THBS2: variants seen among roughly 807,000 people sequenced by gnomAD.
THBS2 encodes the protein thrombospondin 2.
Under a neutral mutation model 135.2 loss-of-function variants are expected in THBS2, and 47 were observed. That is an observed-to-expected ratio of 0.35 (90% CI 0.28 to 0.44). THBS2 has a LOEUF of 0.44. Among genes scored for constraint, THBS2 ranks in the 20% least tolerant of loss-of-function variants. The pLI is 1.00. For missense variants in THBS2, 1,288 were observed against 1,603.1 expected (o/e 0.80, Z 3.36); for synonymous variants, 639 against 633.8 (o/e 1.01, Z -0.12).
intron 21 of THBS2, among the ~76,000 whole-genome samples, chr6:169,218,827 TGAGA>T (rs1318538459): frequency 3.5e-5 from 4 of 113,600 alleles, no homozygotes; most frequent in African/African-American, 1.2e-4. Flanking sequence ...GGTGGGTGGC[TGAGA>T]TGGATGGATG....
intron 8 of THBS2, 62 bp downstream of exon 8, chr6:169,237,563 T>A (rs201504936): frequency 6.2e-7 from 1 of 1,602,696 alleles, no homozygotes; most frequent in Non-Finnish European, 8.5e-7. Context: ...AAGGTCCCGA[T>A]GACTGAGAGA....
intron 21 of THBS2, among the ~76,000 whole-genome samples, chr6:169,218,821 G>A (rs1187718735): frequency 1.4e-5 from 2 of 142,884 alleles, no homozygotes; most frequent in South Asian, 4.5e-4. Flanking sequence ...TGCATGGGTG[G>A]GTGGCTGAGA....
At chr6:169,242,906 T>C (rs1265150247) in intron 4 of THBS2, among the ~76,000 whole-genome samples, 61 of 7,548 alleles carry the variant, frequency 8.1e-3, no homozygotes, top group East Asian at 0.027. Context: ...AGTGCTCCCA[T>C]CTTCCCACCT....
At position 169,248,850 on chromosome 6, in the gene THBS2, C is replaced by A. The variant is rs759210002; in HGVS notation, c.176G>T (p.Arg59Leu). The change falls in exon 3 of 22, where the codon CGC becomes CTC. Residue 59 changes from arginine to leucine, a missense_variant. Physicochemically the swap from Arg to Leu is moderately radical, Grantham distance 102. This residue lies in a region of THBS2 where 414 missense variants were observed against 447.0 expected (regional missense o/e 0.93). Transcript: ENST00000617924. Reference protein sequence around the residue: ...DPGVPAYRFVRFDYIPPVNAD... With the variant: ...DPGVPAYRFVLFDYIPPVNAD... ...GTTCACCGGTGGGATGTAGTCAAAG[C>A]GCACGAAGCGGTAAGCCGGCACGCC... 6.2e-7 allele frequency: 1 copy of A among 1,611,372 alleles called. No individual in the cohort carries two copies. Among genetic ancestry groups the A allele is most frequent in the Non-Finnish European group, 8.5e-7 (1 of 1,180,004 alleles).
chr6:169,247,144 A>C (rs1292628806), intron 3 of THBS2, among the ~76,000 whole-genome samples: 3 of 152,224 alleles, frequency 2.0e-5, no homozygotes, highest in African/African-American at 7.2e-5. Flanking sequence ...CTTGATCATC[A>C]AACCAGCCTC....
At chr6:169,236,357 C>CATT (rs1423051988) in intron 9 of THBS2, among the ~76,000 whole-genome samples, 7 of 113,974 alleles carry the variant, frequency 6.1e-5, no homozygotes, top group African/African-American at 9.2e-5. Context: ...CATCCACACT[C>CATT]CCCATCCACA....
In THBS2 at chr6:169,246,346, A is replaced by G. The variant is rs964351413; in HGVS notation, c.610-65T>C. 6.4e-5 allele frequency: 83 copies of G among 1,293,658 alleles called. No individual in the cohort carries two copies. The Middle Eastern group carries it at 7.4e-4, about 12-fold the overall frequency. The allele number at this position is 1,293,658 out of a possible 1,614,324, so 80.1% of individuals were successfully genotyped here. A position where few individuals can be genotyped will look rare whatever the true frequency, so the allele number is the denominator to read the frequency against. Reference sequence around the variant, plus strand: ...AACATCCAATGTTTGATGCCAAGCTAACTGACATTCTAAAAATACAAGTTG... The same window carrying G: ...AACATCCAATGTTTGATGCCAAGCTGACTGACATTCTAAAAATACAAGTTG... On this transcript the variant is annotated intron_variant, in intron 3 of 21. Transcript: ENST00000617924.
chr6:169,235,040 GT>G, intron 9 of THBS2, 133 bp from the exon 10 acceptor site: 1 of 866,084 alleles, frequency 1.2e-6, no homozygotes, highest in Non-Finnish European at 1.7e-6. Flanking sequence ...TTCTCCCCAG[GT>G]TGGCTGACTA....
chr6:169,233,168 G>A, intron 10 of THBS2, 151 bp from the exon 11 acceptor site: 3 of 1,231,250 alleles, frequency 2.4e-6, no homozygotes, highest in Non-Finnish European at 3.3e-6. Context: ...TGATCATCAA[G>A]AGGCATCATC....
intron 21 of THBS2, among the ~76,000 whole-genome samples, chr6:169,218,491 T>C (rs1779272935): frequency 2.2e-5 from 2 of 92,988 alleles, no homozygotes; most frequent in Admixed American, 1.3e-4. Context: ...GTGGATGAAA[T>C]GGATGGGTGG....
chr6:169,222,084 G>A lies in THBS2; in HGVS notation c.3273+113C>T, dbSNP rs1163725270. 7.7e-6 allele frequency: 10 copies of A among 1,292,382 alleles called. 1 individual carries two copies. The South Asian group carries it at 1.5e-4, about 19-fold the overall frequency. The allele number at this position is 1,292,382 out of a possible 1,614,324, so 80.1% of individuals were successfully genotyped here. Reference sequence around the variant, plus strand: ...GATTATTAAAATAACTGTGCCTGGAGTTAAAATTAATAAAGACAAAAGTGG... The same window carrying A: ...GATTATTAAAATAACTGTGCCTGGAATTAAAATTAATAAAGACAAAAGTGG... On this transcript the variant is annotated intron_variant, in intron 19 of 21. Coordinates refer to ENST00000617924, the MANE Select transcript of THBS2 (RefSeq NM_003247.5).
Position 169,246,291 on chromosome 6 carries a change from T to A in THBS2, c.610-10A>T. ...CGTTCTGAAGCAAACCCTGTAAGTATACACAAGCAGAAAAATAGAGCAACA... is the reference window on the plus strand; with the variant it reads ...CGTTCTGAAGCAAACCCTGTAAGTAAACACAAGCAGAAAAATAGAGCAACA... On this transcript the variant is annotated splice_polypyrimidine_tract_variant and intron_variant, in intron 3 of 21. Transcript: ENST00000617924. The A allele has an allele frequency of 6.2e-7, 1 of 1,609,420 alleles. No individual in the cohort carries two copies. Among genetic ancestry groups the A allele is most frequent in the Non-Finnish European group, 8.5e-7 (1 of 1,176,190 alleles).
At chr6:169,225,412 G>A (rs1562355218) in intron 16 of THBS2, 33 bp from the exon 17 acceptor site, 4 of 1,544,246 alleles carry the variant, frequency 2.6e-6, no homozygotes, top group Non-Finnish European at 3.5e-6. Context: ...AACAGCAGAG[G>A]ACTGCCAGTT....
chr6:169,217,918 T>G (rs1178289675), intron 21 of THBS2, 89 bp from the exon 22 acceptor site: 2 of 1,200,486 alleles, frequency 1.7e-6, no homozygotes, highest in African/African-American at 3.1e-5. Context: ...ACCAGAAATA[T>G]AATTACTTTA....
At chr6:169,235,018 C>A in intron 9 of THBS2, 111 bp from the exon 10 acceptor site, 1 of 1,110,854 alleles carries the variant, frequency 9.0e-7, no homozygotes, top group Non-Finnish European at 1.2e-6. Flanking sequence ...CTACACAGCC[C>A]CACAAACTGG....
intron 3 of THBS2, among the ~76,000 whole-genome samples, chr6:169,247,614 G>A (rs907712439): frequency 6.6e-6 from 1 of 152,144 alleles, no homozygotes; most frequent in Non-Finnish European, 1.5e-5. Flanking sequence ...GTGCACGTGT[G>A]TATGTGTGTG....
At chr6:169,249,060 G>A (rs557927111) in intron 2 of THBS2, 87 bp from the exon 3 acceptor site, 80 of 1,318,832 alleles carry the variant, frequency 6.1e-5, no homozygotes, top group Admixed American at 8.1e-5. Flanking sequence ...AGAACCTCGC[G>A]TGTAAGGAAA....
At chr6:169,243,348 G>A (rs543884068) in intron 4 of THBS2, among the ~76,000 whole-genome samples, 73 of 152,352 alleles carry the variant, frequency 4.8e-4, no homozygotes, top group Non-Finnish European at 6.9e-4. Flanking sequence ...CGGGGCCTGC[G>A]CAGTTGCAGT....
chr6:169,221,673 C>T (rs1037700479), intron 19 of THBS2, 146 bp from the exon 20 acceptor site: 77 of 706,540 alleles, frequency 1.1e-4, no homozygotes, highest in Non-Finnish European at 1.8e-4. Flanking sequence ...ATGTGTTTAT[C>T]ATCCAAATCT....
Sources: gnomAD v4.1 joint callset for allele counts (sites outside exome capture counted in the v4.1 genomes callset) on GRCh38, gnomAD v4.1.1 for gene constraint, gnomAD v4.1.1 regional missense constraint, MANE v1.5 for transcripts, NCBI Gene and HGNC (gene_info 2026-07-23, HGNC 2026-07-21) for gene names.